The following PIEZO2 variants were observed in gnomAD, a reference collection of about 807,000 sequenced individuals.
The protein encoded by PIEZO2 is piezo-type mechanosensitive ion channel component 2.
PIEZO2 carries 172 observed loss-of-function variants against 337.3 expected under a neutral mutation model. The observed-to-expected ratio is 0.51, with a 90% CI of 0.45 to 0.58. The LOEUF (loss-of-function observed/expected upper bound fraction) is 0.58, where lower values mean the gene tolerates loss of function less well. PIEZO2 is among the 20% of genes least tolerant of loss of function. The pLI is 0.00. For synonymous variants in PIEZO2, 1,251 were observed against 1,228.5 expected (o/e 1.02, Z -0.38); for missense variants, 3,028 against 3,391.3 (o/e 0.89, Z 2.66).
At position 10,847,310 on chromosome 18, in the gene PIEZO2, G is replaced by C. The variant is rs1019940743; in HGVS notation, c.917+8043C>G. Among the ~76,000 whole-genome samples, 2 of 152,200 alleles carry C rather than the reference G, an allele frequency of 1.3e-5. No individual in the cohort carries two copies. Among genetic ancestry groups the C allele is most frequent in the Non-Finnish European group, 2.9e-5 (2 of 68,040 alleles). On this transcript the variant is annotated intron_variant, in intron 7 of 55. Coordinates refer to ENST00000674853, the MANE Select transcript of PIEZO2 (RefSeq NM_001378183.1). The surrounding 1 kb of genome is among the most constrained non-coding windows in gnomAD (Gnocchi z 5.7). ...GAGTCACTGAGTCTGGCTAACTGTG[G>C]GGAATTCTAGGTGCCCACAGAGGCA...
chr18:11,024,648 T>G (rs1189079355), intron 2 of PIEZO2, among the ~76,000 whole-genome samples: 1 of 152,022 alleles, frequency 6.6e-6, no homozygotes, highest in Non-Finnish European at 1.5e-5. Context: ...TTGTTTTGTT[T>G]CGTTTTTTTG....
At position 10,797,435 on chromosome 18, in the gene PIEZO2, A is replaced by G. The variant is rs1195871121; in HGVS notation, c.1466T>C (p.Met489Thr). Residue 489 changes from methionine (M) to threonine (T), a missense_variant, in exon 12 of 56, where the codon ATG (methionine) becomes ACG (threonine). This residue lies in a region of PIEZO2 where 542 missense variants were observed against 605.6 expected (regional missense o/e 0.89). Coordinates refer to ENST00000674853, the MANE Select transcript of PIEZO2 (RefSeq NM_001378183.1). ...CATAATAAATTGGAATACGGAGACCATGGCATGAACTTTGATACTTCTTTT... is the reference window on the plus strand; with the variant it reads ...CATAATAAATTGGAATACGGAGACCGTGGCATGAACTTTGATACTTCTTTT... ...EEKRSIKVHA[M>T]VSVFQFIMKQ... The G allele has an allele frequency of 2.6e-6, 4 of 1,537,218 alleles. No individual in the cohort carries two copies. The highest frequency in any genetic ancestry group is 2.6e-6 in the Non-Finnish European group (3 of 1,146,906).
In PIEZO2 at chr18:10,982,903, T is replaced by G. The variant is rs541122768; in HGVS notation, c.161-3243A>C. On this transcript the variant is annotated intron_variant, in intron 2 of 55. Transcript: ENST00000674853. This position sits in a 1 kb window ranked among gnomAD's most constrained non-coding sequence, Gnocchi z 4.1. ...ACCTGACTAATTTTTGTATTTTTGG[T>G]AGAGATGGGGTTTTGCCATGTTGGC... is the stretch of plus-strand genomic sequence containing the variant. Among the ~76,000 whole-genome samples the G allele has an allele frequency of 1.5e-3, 229 of 152,120 alleles. 1 individual carries two copies. The highest frequency in any genetic ancestry group is 5.1e-3 in the African/African-American group (213 of 41,506).
intron 21 of PIEZO2, among the ~76,000 whole-genome samples, chr18:10,765,723 C>T (rs2038323501): frequency 6.6e-6 from 1 of 152,160 alleles, no homozygotes; most frequent in Admixed American, 6.5e-5. Context: ...GATTTTGGGA[C>T]TCGCAGCAAG....
chr18:10,729,836 T>C (rs771262352), intron 36 of PIEZO2, among the ~76,000 whole-genome samples: 3 of 152,198 alleles, frequency 2.0e-5, no homozygotes, highest in Non-Finnish European at 4.4e-5. Context: ...ATTTGTTTCA[T>C]GATTTCATAA....
intron 2 of PIEZO2, among the ~76,000 whole-genome samples, chr18:10,981,543 C>T (rs1397329496): frequency 6.6e-6 from 1 of 152,152 alleles, no homozygotes; most frequent in Non-Finnish European, 1.5e-5. Context: ...TGATAATACT[C>T]ATGGCTGACT....
chr18:11,072,390 T>A (rs2038373760), intron 1 of PIEZO2, among the ~76,000 whole-genome samples: 1 of 152,132 alleles, frequency 6.6e-6, no homozygotes, highest in South Asian at 2.1e-4. Context: ...AGAACATTTC[T>A]CTTTTTTTTA....
At chr18:10,960,603 T>G (rs1303379526) in intron 3 of PIEZO2, among the ~76,000 whole-genome samples, 1 of 151,980 alleles carries the variant, frequency 6.6e-6, no homozygotes, top group Non-Finnish European at 1.5e-5. Flanking sequence ...TTTACTTGAT[T>G]GGTTTGTATA....
chr18:10,729,638 AAG>A (rs1317494915), intron 36 of PIEZO2, among the ~76,000 whole-genome samples: 5 of 136,862 alleles, frequency 3.7e-5, no homozygotes, highest in Non-Finnish European at 8.4e-5. Flanking sequence ...AAAAAAAAAA[AAG>A]AAAAGAAACA....
intron 7 of PIEZO2, among the ~76,000 whole-genome samples, chr18:10,852,400 CTTATT>C (rs2144675963): frequency 6.6e-6 from 1 of 151,994 alleles, no homozygotes; most frequent in East Asian, 1.9e-4. Flanking sequence ...CCAACTTTTA[CTTATT>C]TTAACTGAAT....
chr18:10,770,560 A>T (rs972272594), intron 20 of PIEZO2, among the ~76,000 whole-genome samples: 4 of 146,046 alleles, frequency 2.7e-5, no homozygotes, highest in African/African-American at 1.0e-4. Flanking sequence ...GTAAAGAAGG[A>T]TTTTGACATT....
intron 32 of PIEZO2, among the ~76,000 whole-genome samples, chr18:10,742,149 C>T (rs58097950): frequency 0.017 from 2,529 of 152,062 alleles, 65 homozygotes; most frequent in African/African-American, 0.058. Context: ...AGCGAGACTC[C>T]GTCTCAAAAA....
chr18:10,805,885 C>A (rs1307616915), intron 8 of PIEZO2, among the ~76,000 whole-genome samples: 2 of 152,256 alleles, frequency 1.3e-5, no homozygotes, highest in Non-Finnish European at 2.9e-5. Flanking sequence ...GGTGGCGCTT[C>A]TGTCAGGGAT....
rs2035207082 is a variant in PIEZO2, at chr18:10,993,947, T to C, written c.161-14287A>G. Among the ~76,000 whole-genome samples, 1 of 152,198 alleles carries C rather than the reference T, an allele frequency of 6.6e-6. No individual in the cohort carries two copies. Among genetic ancestry groups the C allele is most frequent in the African/African-American group, 2.4e-5 (1 of 41,444 alleles). ...GGTAGTTATTTGTGAGATTTTGGTGTACCCATCACCCAAGAAGTATACACT... is the reference window on the plus strand; with the variant it reads ...GGTAGTTATTTGTGAGATTTTGGTGCACCCATCACCCAAGAAGTATACACT... On this transcript the variant is annotated intron_variant, in intron 2 of 55. Coordinates refer to ENST00000674853, the MANE Select transcript of PIEZO2 (RefSeq NM_001378183.1). This position sits in a 1 kb window ranked among gnomAD's most constrained non-coding sequence, Gnocchi z 5.0.
chr18:10,844,903 T>C (rs78323413), intron 7 of PIEZO2, among the ~76,000 whole-genome samples: 2,049 of 152,108 alleles, frequency 0.013, 23 homozygotes, highest in Middle Eastern at 0.061. Flanking sequence ...ATGACGGCAC[T>C]TTCTAGTCAG....
At chr18:10,710,466 T>A (rs1327757711) in intron 39 of PIEZO2, among the ~76,000 whole-genome samples, 1 of 152,248 alleles carries the variant, frequency 6.6e-6, no homozygotes, top group Non-Finnish European at 1.5e-5. Context: ...TACCTGGGAA[T>A]GCCCCTCAGA....
chr18:10,813,971 AT>A lies in PIEZO2; in HGVS notation c.918-6698del, dbSNP rs762220299. 0.061 allele frequency among the ~76,000 whole-genome samples: 8,725 copies of A among 142,468 alleles called. 300 individuals are homozygous for A. The highest frequency in any genetic ancestry group is 0.089 in the Admixed American group (1,265 of 14,200). The allele number at this position is 142,468 out of a possible 152,430, so 93.5% of individuals were successfully genotyped here. A position where few individuals can be genotyped will look rare whatever the true frequency, so the allele number is the denominator to read the frequency against. On this transcript the variant is annotated intron_variant, in intron 7 of 55. Coordinates refer to ENST00000674853, the MANE Select transcript of PIEZO2 (RefSeq NM_001378183.1). The surrounding 1 kb of genome is among the most constrained non-coding windows in gnomAD (Gnocchi z 4.2). ...ATAGGTGTGAGATGGGACACCATAT[AT>A]TTTTTTTTTTTTTGAGATGGAGTTT...
intron 1 of PIEZO2, among the ~76,000 whole-genome samples, chr18:11,068,094 A>G (rs2038211284): frequency 1.3e-5 from 2 of 152,030 alleles, no homozygotes; most frequent in Non-Finnish European, 2.9e-5. Flanking sequence ...CTAATTTTTC[A>G]TATTTTTAGT....
rs2039330111 is a variant in PIEZO2, at chr18:10,789,225, G to T, written c.2023C>A (p.Leu675Met). 1 of 1,537,190 alleles carries T rather than the reference G, an allele frequency of 6.5e-7. No homozygotes were observed. Among genetic ancestry groups the T allele is most frequent in the Admixed American group, 2.0e-5 (1 of 50,976 alleles). Reference protein sequence around the residue: ...EEDEQDIMKVLGNLVVAMFIK... With the variant: ...EEDEQDIMKVMGNLVVAMFIK... ...AACATGGCCACCACCAGATTGCCCA[G>T]GACTTTCATGATGTCCTGCTCATCT... Residue 675 changes from leucine to methionine, a missense_variant, in exon 15 of 56, where the codon CTG (leucine) becomes ATG (methionine). Leu to Met is a conservative substitution (Grantham distance 15). Around this residue, in one of 5 missense-constraint regions of PIEZO2, gnomAD observed 1,925 missense variants for 2,051.9 expected, o/e 0.94. Coordinates refer to ENST00000674853, the MANE Select transcript of PIEZO2 (RefSeq NM_001378183.1).
Sources: gnomAD v4.1 joint callset for allele counts (sites outside exome capture counted in the v4.1 genomes callset) on GRCh38, gnomAD v4.1.1 for gene constraint, gnomAD v4.1.1 regional missense constraint, Gnocchi (gnomAD v3.1) non-coding constraint, MANE v1.5 for transcripts, NCBI Gene and HGNC (gene_info 2026-07-23, HGNC 2026-07-21) for gene names.